The following NRF1 variants were observed in gnomAD, a reference collection of about 807,000 sequenced individuals.
NRF1 encodes the protein nuclear respiratory factor 1.
A neutral mutation model predicts 58.5 loss-of-function variants in NRF1; 5 were observed. The ratio of observed to expected loss-of-function variants is 0.09; its 90% CI spans 0.04 to 0.18. The LOEUF (loss-of-function observed/expected upper bound fraction) is 0.18. Ranked by LOEUF, NRF1 falls within the 10% of genes least tolerant of loss-of-function variation. The pLI, the probability that NRF1 is intolerant of heterozygous loss-of-function variation, is 1.00. For missense variants in NRF1, 288 were observed against 657.7 expected, an observed-to-expected ratio of 0.44 and a Z score of 6.15; for synonymous variants, 224 against 246.7, an observed-to-expected ratio of 0.91 and a Z score of 0.86.
At chr7:129,676,287 T>A (rs981021323) in intron 3 of NRF1, among the ~76,000 whole-genome samples, 3 of 152,268 alleles carry the variant, frequency 2.0e-5, no homozygotes, top group African/African-American at 7.2e-5. Context: ...ATTAACAACG[T>A]GGCCAACTGT....
intron 4 of NRF1, among the ~76,000 whole-genome samples, chr7:129,685,228 A>G (rs940287324): frequency 1.3e-5 from 2 of 152,292 alleles, no homozygotes; most frequent in East Asian, 1.9e-4. Context: ...TTGCAACCCA[A>G]CTGAAGGCCC....
At chr7:129,652,601 T>C (rs1263263491) in intron 1 of NRF1, among the ~76,000 whole-genome samples, 1 of 152,164 alleles carries the variant, frequency 6.6e-6, no homozygotes, top group Middle Eastern at 3.2e-3. Flanking sequence ...TTATTTTTAT[T>C]TATTTATTTA....
chr7:129,656,879 A>G (rs993681368), intron 1 of NRF1, among the ~76,000 whole-genome samples: 1 of 152,188 alleles, frequency 6.6e-6, no homozygotes, highest in African/African-American at 2.4e-5. Context: ...GCCCTCAAGA[A>G]GCAGTTTTAT....
intron 5 of NRF1, among the ~76,000 whole-genome samples, chr7:129,696,074 A>C (rs969540518): frequency 3.5e-5 from 5 of 142,874 alleles, no homozygotes; most frequent in African/African-American, 1.3e-4. Flanking sequence ...AAAAAAAAAA[A>C]AAAAAAAAAA....
rs145817879 is a variant in NRF1 at position 129,741,013 on chromosome 7, C to G, written c.1348+13648C>G. ...ATGTGAAAGACTGGATACCTCTAGTCGACATGTCAGGGCCCCAAAGGAATC... is the reference window on the plus strand; with the variant it reads ...ATGTGAAAGACTGGATACCTCTAGTGGACATGTCAGGGCCCCAAAGGAATC... On this transcript the variant is annotated intron_variant, in intron 10 of 10. Transcript: ENST00000393232. The surrounding 1 kb of genome is among the most constrained non-coding windows in gnomAD (Gnocchi z 4.0). Among the ~76,000 whole-genome samples the G allele has an allele frequency of 2.0e-4, 30 of 152,234 alleles. No individual in the cohort carries two copies. The highest frequency in any genetic ancestry group is 5.2e-4 in the Admixed American group (8 of 15,300).
chr7:129,675,108 G>A (rs950051192), intron 3 of NRF1, among the ~76,000 whole-genome samples: 5 of 152,116 alleles, frequency 3.3e-5, no homozygotes, highest in African/African-American at 1.2e-4. Flanking sequence ...TCTTCATCAG[G>A]AGTGGATTTC....
Position 129,709,094 on chromosome 7 carries a change from TC to T in NRF1, c.629del (p.Pro210GlnfsTer56). The part of the protein sequence containing the change: ...KMTQAQLRAF[I>X]PEMLKYSTGR... ...TTCCAGGCCCAGCTTCGGGCATTTA[TC>T]CCAGAGATGCTCAAGTACTCTACAG... On this transcript the variant is annotated frameshift_variant, in exon 6 of 11. Transcript: ENST00000393232. LOFTEE classifies it high-confidence loss of function. The T allele has an allele frequency of 6.4e-7, 1 of 1,570,484 alleles. No individual in the cohort carries two copies. The highest frequency in any genetic ancestry group is 2.3e-5 in the East Asian group (1 of 42,800).
intron 2 of NRF1, among the ~76,000 whole-genome samples, chr7:129,667,058 C>G (rs1801939535): frequency 6.6e-6 from 1 of 152,176 alleles, no homozygotes; most frequent in Non-Finnish European, 1.5e-5. Context: ...TCATGAGTCA[C>G]TGAAAGGTCA....
At chr7:129,628,618 C>T (rs1047224929) in intron 1 of NRF1, among the ~76,000 whole-genome samples, 1 of 152,182 alleles carries the variant, frequency 6.6e-6, no homozygotes, top group Non-Finnish European at 1.5e-5. Flanking sequence ...TCTGCTTTTG[C>T]ACTCAGTCTG....
intron 4 of NRF1, among the ~76,000 whole-genome samples, chr7:129,684,942 ACACT>A (rs1802410841): frequency 6.6e-6 from 1 of 152,182 alleles, no homozygotes; most frequent in African/African-American, 2.4e-5. Context: ...AAGGAGGCAG[ACACT>A]GGGGCTGGAG....
intron 8 of NRF1, 78 bp from the exon 9 acceptor site, chr7:129,717,141 G>A (rs1347600219): frequency 1.2e-5 from 17 of 1,422,152 alleles, no homozygotes; most frequent in Non-Finnish European, 1.5e-5. Flanking sequence ...CCAAAAAGTA[G>A]CAATTATTAG....
chr7:129,658,596 GAAAA>G (rs35139001), intron 2 of NRF1, among the ~76,000 whole-genome samples: 2 of 112,372 alleles, frequency 1.8e-5, no homozygotes, highest in African/African-American at 3.5e-5. Context: ...GTGTCCAGTT[GAAAA>G]AAAAAAAAAA....
chr7:129,634,072 A>G (rs1801119367), intron 1 of NRF1, among the ~76,000 whole-genome samples: 1 of 140,264 alleles, frequency 7.1e-6, no homozygotes, highest in Admixed American at 6.9e-5. Flanking sequence ...ACACACACAC[A>G]CACACACACA....
chr7:129,657,650 C>A, intron 2 of NRF1, 76 bp downstream of exon 2: 1 of 957,446 alleles, frequency 1.0e-6, no homozygotes. Context: ...CACTCTGTTG[C>A]TCAGGCTGGG....
At chr7:129,663,068 T>C (rs1801823055) in intron 2 of NRF1, among the ~76,000 whole-genome samples, 1 of 152,238 alleles carries the variant, frequency 6.6e-6, no homozygotes, top group African/African-American at 2.4e-5. Flanking sequence ...AGCATGGGGT[T>C]GGGGGTAAGT....
chr7:129,663,197 C>A (rs966419439), intron 2 of NRF1, among the ~76,000 whole-genome samples: 3 of 152,096 alleles, frequency 2.0e-5, no homozygotes, highest in African/African-American at 7.2e-5. Context: ...CTTCCTTTTC[C>A]CCACATTTCC....
Position 129,658,242 on chromosome 7 carries a change from A to G in NRF1, c.223+668A>G, listed in dbSNP as rs887157284. Reference sequence around the variant, plus strand: ...TTTTCTTGTTAGTTTGAAAGTTATAAGCTTTTACTATTATCAATACCTGTA... The same window carrying G: ...TTTTCTTGTTAGTTTGAAAGTTATAGGCTTTTACTATTATCAATACCTGTA... On this transcript the variant is annotated intron_variant, in intron 2 of 10. Coordinates refer to ENST00000393232, the MANE Select transcript of NRF1 (RefSeq NM_005011.5). Among the ~76,000 whole-genome samples the G allele has an allele frequency of 3.3e-5, 5 of 152,054 alleles. No homozygotes were observed. The East Asian group carries it at 9.6e-4, about 29-fold the overall frequency.
At chr7:129,664,591 A>G (rs547145005) in intron 2 of NRF1, among the ~76,000 whole-genome samples, 2 of 152,242 alleles carry the variant, frequency 1.3e-5, no homozygotes, top group Non-Finnish European at 2.9e-5. Flanking sequence ...GTGTCCCAGC[A>G]GAGGGCATCT....
intron 3 of NRF1, among the ~76,000 whole-genome samples, chr7:129,672,199 TC>T (rs1802063455): frequency 1.8e-5 from 2 of 111,874 alleles, no homozygotes; most frequent in African/African-American, 3.8e-5. Context: ...CGCCAGGAGA[TC>T]TTTTTTTTTT....
Sources: allele counts gnomAD v4.1 joint callset (sites outside exome capture counted in the v4.1 genomes callset), GRCh38; gene constraint gnomAD v4.1.1; non-coding constraint Gnocchi (gnomAD v3.1); transcripts MANE v1.5; gene names NCBI Gene and HGNC (gene_info 2026-07-23, HGNC 2026-07-21).